The following TTL variants were observed in gnomAD, a reference collection of about 807,000 sequenced individuals.
TTL encodes tubulin--tyrosine ligase.
Under a neutral mutation model 41.1 loss-of-function variants are expected in TTL, and 10 were observed. That is an observed-to-expected ratio of 0.24 (90% CI 0.15 to 0.41). The LOEUF (loss-of-function observed/expected upper bound fraction) is 0.41, where lower values mean the gene tolerates loss of function less well. Ranked by LOEUF, TTL falls within the 10% of genes least tolerant of loss-of-function variation. TTL has a pLI of 1.00. For missense variants in TTL, 367 were observed against 460.4 expected (o/e 0.80, Z 1.86); for synonymous variants, 175 against 175.5 (o/e 1.00, Z 0.02).
At chr2:112,495,693 A>G (rs1681505489) in intron 3 of TTL, among the ~76,000 whole-genome samples, 1 of 152,110 alleles carries the variant, frequency 6.6e-6, no homozygotes, top group African/African-American at 2.4e-5. Context: ...TAAAAATACA[A>G]AAAATTAGCT....
chr2:112,502,634 T>G (rs2104459120), intron 4 of TTL, among the ~76,000 whole-genome samples: 1 of 134,220 alleles, frequency 7.5e-6, no homozygotes, highest in South Asian at 2.5e-4. Context: ...CAAAACTCCA[T>G]CTCAAAAAAA....
In TTL at chr2:112,541,146, T is replaced by G. The variant is rs1350500303; in HGVS notation, c.*12351T>G. The G allele has an allele frequency of 6.6e-6, 1 of 152,182 alleles. No homozygotes were observed. Among genetic ancestry groups the G allele is most frequent in the Non-Finnish European group, 1.5e-5 (1 of 68,036 alleles). 9.4% of individuals were successfully genotyped at this position (152,182 alleles called of 1,614,324 possible). A position where few individuals can be genotyped will look rare whatever the true frequency, so the allele number is the denominator to read the frequency against. ...TAATTATGTACCCATAAATTTTTTT[T>G]TAAATCCTCATGACCTTGGATTACA... On this transcript the variant is annotated 3_prime_UTR_variant, in exon 7 of 7. Coordinates refer to ENST00000233336, the MANE Select transcript of TTL (RefSeq NM_153712.5).
At position 112,521,694 on chromosome 2, in the gene TTL, G is replaced by C. The variant is rs535946622; in HGVS notation, c.1019+1269G>C. Among the ~76,000 whole-genome samples, 5 of 152,290 alleles carry C rather than the reference G, an allele frequency of 3.3e-5. No homozygotes were observed. In the South Asian group the frequency reaches 1.0e-3, roughly 32 times the overall value. ...GCCTACCTGGCCAGGCTCTGTATGA[G>C]GCCATGGGTTCACAGTGGGGAGCAA... On this transcript the variant is annotated intron_variant, in intron 6 of 6. Transcript: ENST00000233336.
intron 6 of TTL, among the ~76,000 whole-genome samples, chr2:112,526,919 G>C (rs780156499): frequency 1.3e-5 from 2 of 152,142 alleles, no homozygotes; most frequent in Admixed American, 6.5e-5. Context: ...TCTCTTGTGG[G>C]CATTTAGTGC....
intron 3 of TTL, among the ~76,000 whole-genome samples, chr2:112,495,427 T>C (rs1201800098): frequency 6.6e-6 from 1 of 152,206 alleles, no homozygotes; most frequent in Non-Finnish European, 1.5e-5. Context: ...AACAAATATA[T>C]GTTGAATGAA....
At chr2:112,489,061 T>TG (rs1418294170) in intron 2 of TTL, among the ~76,000 whole-genome samples, 7 of 152,188 alleles carry the variant, frequency 4.6e-5, no homozygotes, top group East Asian at 1.9e-4. Flanking sequence ...CACTCCAGCC[T>TG]GGGTGACAGA....
intron 1 of TTL, 65 bp from the exon 2 acceptor site, chr2:112,485,852 A>T: frequency 7.2e-7 from 1 of 1,380,252 alleles, no homozygotes. Flanking sequence ...TGGGCATGAC[A>T]CAGCTGTCCT....
At chr2:112,486,953 G>A (rs1175112526) in intron 2 of TTL, among the ~76,000 whole-genome samples, 1 of 152,140 alleles carries the variant, frequency 6.6e-6, no homozygotes, top group African/African-American at 2.4e-5. Flanking sequence ...TGCCCGTCTT[G>A]TTGTTCCTAC....
At chr2:112,501,488 C>A (rs1681696336) in intron 4 of TTL, 147 bp downstream of exon 4, 2 of 569,860 alleles carry the variant, frequency 3.5e-6, no homozygotes, top group Non-Finnish European at 5.8e-6. Context: ...ATGGAACTTA[C>A]CTTCTGTACC....
intron 5 of TTL, among the ~76,000 whole-genome samples, chr2:112,516,324 C>T (rs993452361): frequency 6.6e-6 from 1 of 152,078 alleles, no homozygotes; most frequent in African/African-American, 2.4e-5. Flanking sequence ...CAAGGATATC[C>T]CATTGACCCA....
chr2:112,531,468 A>G lies in TTL; in HGVS notation c.*2673A>G. 4.4e-6 allele frequency: 1 copy of G among 229,614 alleles called. No individual in the cohort carries two copies. The highest frequency in any genetic ancestry group is 5.7e-5 in the Admixed American group (1 of 17,626). The allele number at this position is 229,614 out of a possible 1,614,324, so 14.2% of individuals were successfully genotyped here. Reference sequence around the variant, plus strand: ...TTGATGAGGACAAGTGACAGTAGGAAGATGCAAGAGCCTTTAGTACCAAGG... The same window carrying G: ...TTGATGAGGACAAGTGACAGTAGGAGGATGCAAGAGCCTTTAGTACCAAGG... On this transcript the variant is annotated 3_prime_UTR_variant, in exon 7 of 7. Transcript: ENST00000233336.
At chr2:112,519,537 G>A (rs1388459275) in intron 5 of TTL, among the ~76,000 whole-genome samples, 3 of 147,012 alleles carry the variant, frequency 2.0e-5, no homozygotes, top group Non-Finnish European at 3.0e-5. Flanking sequence ...TAGCGACATC[G>A]TGAGGTCAAC....
At chr2:112,521,938 T>TCCGCACCTTCCCTC (rs1682245629) in intron 6 of TTL, among the ~76,000 whole-genome samples, 1 of 152,094 alleles carries the variant, frequency 6.6e-6, no homozygotes, top group Admixed American at 6.6e-5. Context: ...AAGGCAGGGA[T>TCCGCACCTTCCCTC]CCGCACCTTC....
chr2:112,509,787 G>T (rs573706397), intron 5 of TTL, among the ~76,000 whole-genome samples: 17 of 152,290 alleles, frequency 1.1e-4, no homozygotes, highest in African/African-American at 4.1e-4. Flanking sequence ...CTTCTGCGTC[G>T]CTCACGCTGG....
At chr2:112,521,643 C>T (rs540020165) in intron 6 of TTL, among the ~76,000 whole-genome samples, 1 of 152,324 alleles carries the variant, frequency 6.6e-6, no homozygotes, top group Admixed American at 6.5e-5. Context: ...TCAGTCTCTG[C>T]AGCCGATAAG....
Position 112,482,201 on chromosome 2 carries a change from G to C in TTL, c.-144G>C, listed in dbSNP as rs1236760809. On this transcript the variant is annotated 5_prime_UTR_variant, in exon 1 of 7. Coordinates refer to ENST00000233336, the MANE Select transcript of TTL (RefSeq NM_153712.5). This position sits in a 1 kb window ranked among gnomAD's most constrained non-coding sequence, Gnocchi z 5.3. ...GCGGGCGCCCGGGCGCGGCGCCGCC[G>C]GCACCCGAGAGGCGCGGTAGCCGGC... is the stretch of plus-strand genomic sequence containing the variant. 5.0e-5 allele frequency: 19 copies of C among 381,952 alleles called. No homozygotes were observed. The highest frequency in any genetic ancestry group is 3.3e-4 in the South Asian group (3 of 9,134). The allele number at this position is 381,952 out of a possible 1,614,324, so 23.7% of individuals were successfully genotyped here.
In TTL at chr2:112,482,271, C is replaced by G. The variant is rs1681107420; in HGVS notation, c.-74C>G. The G allele has an allele frequency of 3.9e-6, 4 of 1,020,436 alleles. No individual in the cohort carries two copies. The highest frequency in any genetic ancestry group is 1.2e-4 in the Admixed American group (2 of 16,610). 63.2% of individuals were successfully genotyped at this position (1,020,436 alleles called of 1,614,324 possible). On this transcript the variant is annotated 5_prime_UTR_variant, in exon 1 of 7. Transcript: ENST00000233336. This position sits in a 1 kb window ranked among gnomAD's most constrained non-coding sequence, Gnocchi z 5.3. ...CCGCGGCGGGCGCCCGGGCGGGGTC[C>G]GCGCTGAGCCGCCTTCTCGGCCGCC... is the stretch of plus-strand genomic sequence containing the variant.
At chr2:112,521,708 A>G (rs1682236237) in intron 6 of TTL, among the ~76,000 whole-genome samples, 1 of 152,172 alleles carries the variant, frequency 6.6e-6, no homozygotes, top group African/African-American at 2.4e-5. Context: ...ATGGGTTCAC[A>G]GTGGGGAGCA....
In TTL at chr2:112,498,777, C is replaced by T. The variant is rs528971091; in HGVS notation, c.470-2429C>T. ...AAAATTAGCCAGGCATGGTGGCGGG[C>T]GCCTGTAATCGCAGGTATTTAGGAG... On this transcript the variant is annotated intron_variant, in intron 3 of 6. Coordinates refer to ENST00000233336, the MANE Select transcript of TTL (RefSeq NM_153712.5). 5.7e-4 allele frequency among the ~76,000 whole-genome samples: 87 copies of T among 151,832 alleles called. 1 individual carries two copies. In the Middle Eastern group the frequency reaches 0.017, roughly 30 times the overall value.
Sources: allele counts gnomAD v4.1 joint callset (sites outside exome capture counted in the v4.1 genomes callset), GRCh38; gene constraint gnomAD v4.1.1; non-coding constraint Gnocchi (gnomAD v3.1); transcripts MANE v1.5; gene names NCBI Gene and HGNC (gene_info 2026-07-23, HGNC 2026-07-21).